The following ZC3H13 variants were observed in gnomAD, a reference collection of about 807,000 sequenced individuals.
ZC3H13 encodes zinc finger CCCH-type containing 13, also known as zinc finger CCCH domain-containing protein 13.
ZC3H13 carries 64 observed loss-of-function variants against 204.1 expected under a neutral mutation model. That is an observed-to-expected ratio of 0.31 (90% CI 0.26 to 0.39). The LOEUF (loss-of-function observed/expected upper bound fraction) is 0.39, where lower values mean the gene tolerates loss of function less well. Ranked by LOEUF, ZC3H13 falls within the 10% of genes least tolerant of loss-of-function variation. The pLI is 1.00. For missense variants in ZC3H13, 1,833 were observed against 2,082.7 expected (o/e 0.88, Z 2.33); for synonymous variants, 667 against 693.7 (o/e 0.96, Z 0.60).
rs943052531 is a variant in ZC3H13, at chr13:45,978,317, T to C, written c.1912+1496A>G. Among the ~76,000 whole-genome samples the C allele has an allele frequency of 2.0e-4, 31 of 152,094 alleles. 1 individual carries two copies. The highest frequency in any genetic ancestry group is 6.8e-4 in the African/African-American group (28 of 41,434). On this transcript the variant is annotated intron_variant, in intron 11 of 18. Transcript: ENST00000679008. ...CTAGCAAAGTGCCTGACATGGGTAC[T>C]CAACAAATATTTGTAAAATATTCAT...
chr13:45,963,684 A>G (rs1951855402), intron 17 of ZC3H13, 158 bp downstream of exon 17: 1 of 1,464,082 alleles, frequency 6.8e-7, no homozygotes, highest in Admixed American at 2.6e-5. Flanking sequence ...TTAAAGAGAA[A>G]CTTTGACCAT....
chr13:45,988,748 T>A (rs375593984), intron 9 of ZC3H13, 39 bp downstream of exon 9: 3 of 1,559,056 alleles, frequency 1.9e-6, no homozygotes, highest in Non-Finnish European at 2.6e-6. Context: ...AGCTGGATGT[T>A]CAATTTTTCA....
Position 45,969,533 on chromosome 13 carries a change from T to C in ZC3H13, c.3011A>G (p.Glu1004Gly), listed in dbSNP as rs200241082. Residue 1004 changes from glutamate to glycine, a missense_variant, in exon 14 of 19, where the codon GAA (glutamate) becomes GGA (glycine). Physicochemically the swap from Glu to Gly is moderately conservative, Grantham distance 98. Coordinates refer to ENST00000679008, the MANE Select transcript of ZC3H13 (RefSeq NM_001330564.2). ...ACCTTTGGATTTTTTACGTTTTTTT[T>C]CAATGCTTTTCTTTTTCTGTCCTTT... ...PKKGQKKKSI[E>G]KKRKKSKGDS... 29 of 1,605,866 alleles carry C rather than the reference T, an allele frequency of 1.8e-5. No individual in the cohort carries two copies. Among genetic ancestry groups the C allele is most frequent in the East Asian group, 6.7e-5 (3 of 44,856 alleles).
chr13:45,984,470 A>G (rs1953997259), intron 10 of ZC3H13, among the ~76,000 whole-genome samples: 1 of 152,186 alleles, frequency 6.6e-6, no homozygotes, highest in Non-Finnish European at 1.5e-5. Context: ...AATGAGAAAT[A>G]TTATAAATTG....
At chr13:46,051,222 A>G (rs879706428) in intron 1 of ZC3H13, among the ~76,000 whole-genome samples, 10 of 152,232 alleles carry the variant, frequency 6.6e-5, no homozygotes, top group Non-Finnish European at 1.3e-4. Context: ...AAATCACATA[A>G]GCTTGCAAAT....
intron 4 of ZC3H13, among the ~76,000 whole-genome samples, chr13:46,024,728 CT>C (rs66498813): frequency 0.75 from 110,275 of 147,706 alleles, 41,406 homozygotes; most frequent in African/African-American, 0.85. Context: ...CTCCAACATT[CT>C]TTTTTTTTTT....
At chr13:46,050,443 A>G (rs1207292570) in intron 1 of ZC3H13, among the ~76,000 whole-genome samples, 2 of 152,154 alleles carry the variant, frequency 1.3e-5, no homozygotes, top group Non-Finnish European at 2.9e-5. Context: ...TGAAAGCATA[A>G]CACTTTAATC....
In ZC3H13 at chr13:46,046,502, CA is replaced by C. The variant is rs1289336036; in HGVS notation, c.-9-987del. Among the ~76,000 whole-genome samples the C allele has an allele frequency of 5.6e-4, 70 of 125,652 alleles. 1 individual carries two copies. Among genetic ancestry groups the C allele is most frequent in the Non-Finnish European group, 7.7e-4 (47 of 61,236 alleles). The allele number at this position is 125,652 out of a possible 152,430, so 82.4% of individuals were successfully genotyped here. On this transcript the variant is annotated intron_variant, in intron 1 of 18. Coordinates refer to ENST00000679008, the MANE Select transcript of ZC3H13 (RefSeq NM_001330564.2). Reference sequence around the variant, plus strand: ...CAAAACTCCGTCTCTACTAAAAATACAAAAAAAAAAAAAAAATTAGCTGGGC... The same window carrying C: ...CAAAACTCCGTCTCTACTAAAAATACAAAAAAAAAAAAAAATTAGCTGGGC...
intron 1 of ZC3H13, among the ~76,000 whole-genome samples, chr13:46,046,675 A>AAT (rs2043992248): frequency 6.6e-6 from 1 of 151,194 alleles, no homozygotes; most frequent in Admixed American, 6.6e-5. Context: ...CTCAAAAAAA[A>AAT]CAAAAAAACT....
intron 4 of ZC3H13, among the ~76,000 whole-genome samples, chr13:46,022,439 CAA>C (rs1478172421): frequency 6.6e-6 from 1 of 151,908 alleles, no homozygotes; most frequent in Non-Finnish European, 1.5e-5. Flanking sequence ...TTTTATCAAA[CAA>C]AGTTATTCCC....
chr13:45,978,096 T>G (rs1167879343), intron 11 of ZC3H13, among the ~76,000 whole-genome samples: 1 of 152,134 alleles, frequency 6.6e-6, no homozygotes, highest in Non-Finnish European at 1.5e-5. Flanking sequence ...CTTTTATTCT[T>G]CAGGCCCTAA....
chr13:46,005,231 A>G (rs532337746), intron 7 of ZC3H13, among the ~76,000 whole-genome samples: 2 of 152,188 alleles, frequency 1.3e-5, no homozygotes, highest in Non-Finnish European at 2.9e-5. Flanking sequence ...GGACTGTTTC[A>G]ATCTGAAACT....
intron 16 of ZC3H13, 108 bp downstream of exon 16, chr13:45,965,172 G>T (rs1951980308): frequency 1.5e-6 from 2 of 1,358,148 alleles, no homozygotes; most frequent in Non-Finnish European, 2.0e-6. Flanking sequence ...AATGTAAAAG[G>T]AAAAATTCTA....
intron 3 of ZC3H13, among the ~76,000 whole-genome samples, 171 bp from the exon 4 acceptor site, chr13:46,042,446 A>C (rs146123546): frequency 1.4e-3 from 214 of 152,242 alleles, no homozygotes; most frequent in African/African-American, 5.0e-3. Flanking sequence ...ATTTCACCTT[A>C]AATATTAATA....
chr13:46,009,443 A>G (rs997229062), intron 7 of ZC3H13, among the ~76,000 whole-genome samples: 1 of 152,148 alleles, frequency 6.6e-6, no homozygotes, highest in African/African-American at 2.4e-5. Flanking sequence ...CATAAAGTCA[A>G]TATAGTTAGT....
intron 10 of ZC3H13, among the ~76,000 whole-genome samples, chr13:45,983,117 T>C (rs1209529281): frequency 6.6e-6 from 1 of 152,010 alleles, no homozygotes; most frequent in Admixed American, 6.6e-5. Context: ...AACTTTATCT[T>C]AGAGAAACAT....
At chr13:46,020,685 C>T in intron 4 of ZC3H13, 128 bp from the exon 5 acceptor site, 1 of 619,952 alleles carries the variant, frequency 1.6e-6, no homozygotes, top group Non-Finnish European at 2.7e-6. Context: ...TGTAAATAGT[C>T]ACTTATCCAC....
Position 45,975,292 on chromosome 13 carries a change from C to T in ZC3H13, c.2459G>A (p.Arg820Lys), listed in dbSNP as rs1285790040. ...TGATAATTATTCTTACTTTGATTTT[C>T]TTTCATCATGTCCATCTCTTGGATT... ...DRNPRDGHDE[R>K]KSKKRYRNEG... The change falls in exon 12 of 19, where the codon AGA becomes AAA. Residue 820 changes from arginine (R) to lysine (K), a missense_variant. Coordinates refer to ENST00000679008, the MANE Select transcript of ZC3H13 (RefSeq NM_001330564.2). 6.2e-7 allele frequency: 1 copy of T among 1,605,968 alleles called. No homozygotes were observed. Among genetic ancestry groups the T allele is most frequent in the East Asian group, 2.2e-5 (1 of 44,656 alleles).
chr13:46,025,933 T>C (rs556434645), intron 4 of ZC3H13, among the ~76,000 whole-genome samples: 23 of 152,178 alleles, frequency 1.5e-4, no homozygotes, highest in Admixed American at 1.2e-3. Flanking sequence ...GAATGGTTCA[T>C]TGTTGTGCTT....
Sources: allele counts gnomAD v4.1 joint callset (sites outside exome capture counted in the v4.1 genomes callset), GRCh38; gene constraint gnomAD v4.1.1; transcripts MANE v1.5; gene names NCBI Gene and HGNC (gene_info 2026-07-23, HGNC 2026-07-21).